Variants in KIF4A observed in about 807,000 individuals in gnomAD.
KIF4A encodes the protein chromosome-associated kinesin KIF4A.
In KIF4A, 7 loss-of-function variants were observed where a neutral mutation model predicts 105.9. The observed-to-expected ratio is 0.07, with a 90% CI of 0.04 to 0.12. KIF4A has a LOEUF of 0.12. KIF4A is among the 10% of genes least tolerant of loss of function. The probability of loss-of-function intolerance (pLI) is 1.00; values close to 1 mark genes in which losing one functional copy is unlikely to be tolerated. For synonymous variants in KIF4A, 281 were observed against 331.3 expected (o/e 0.85, Z 1.65); for missense variants, 558 against 929.2 (o/e 0.60, Z 5.19).
chrX:70,389,351 G>A (rs1406978478), intron 20 of KIF4A, among the ~76,000 whole-genome samples: 2 of 112,511 alleles, frequency 1.8e-5, no homozygotes, highest in Non-Finnish European at 3.8e-5. Context: ...TGGATTACCT[G>A]AGGTCAGGAG....
At chrX:70,331,499 A>G (rs1267896103) in intron 9 of KIF4A, among the ~76,000 whole-genome samples, 1 of 111,298 alleles carries the variant, frequency 9.0e-6, no homozygotes, top group Non-Finnish European at 1.9e-5. Context: ...ATGTCTTAAA[A>G]CAATGTACAT....
Position 70,309,482 on chromosome X carries a change from TC to T in KIF4A, c.778+7085del, listed in dbSNP as rs1405283804. 5.3e-5 allele frequency among the ~76,000 whole-genome samples: 6 copies of T among 112,348 alleles called. No individual in the cohort carries two copies. The East Asian group carries it at 1.7e-3, about 31-fold the overall frequency. On this transcript the variant is annotated intron_variant, in intron 7 of 30. Transcript: ENST00000374403. ...CATTTTTTAACTTTATTGATCTTTT[TC>T]ATTTGTGCCTTGTGTGTGTTTTTCT...
chrX:70,402,748 G>A, intron 23 of KIF4A, 53 bp downstream of exon 23: 1 of 1,159,874 alleles, frequency 8.6e-7, no homozygotes, highest in Non-Finnish European at 1.2e-6. Flanking sequence ...GGTTGAAATG[G>A]GATGTTAGCC....
chrX:70,395,742 T>C lies in KIF4A; in HGVS notation c.2304T>C (p.Leu768=). The part of the protein sequence containing the change: ...EEAKRHLNDL[L]EDRKILAQDV... ...CCAAACGCCATCTGAATGACCTCCT[T>C]GAAGATAGAAAGATCCTGGCTCAAG... Residue 768 remains leucine, a synonymous_variant, in exon 21 of 31, where the codon CTT becomes CTC. Transcript: ENST00000374403. The C allele has an allele frequency of 8.3e-7, 1 of 1,211,123 alleles. No homozygotes were observed. Among genetic ancestry groups the C allele is most frequent in the Non-Finnish European group, 1.1e-6 (1 of 895,388 alleles).
chrX:70,407,539 G>A (rs1355614318), intron 28 of KIF4A, among the ~76,000 whole-genome samples: 2 of 111,583 alleles, frequency 1.8e-5, no homozygotes, highest in African/African-American at 6.5e-5. Context: ...TCCACTAAAG[G>A]GGGGCTTGTT....
intron 7 of KIF4A, among the ~76,000 whole-genome samples, chrX:70,322,447 G>A (rs1167926333): frequency 9.2e-6 from 1 of 109,165 alleles, no homozygotes; most frequent in Admixed American, 9.8e-5. Flanking sequence ...GAGTACCTGG[G>A]ACTACAGGCG....
At chrX:70,319,813 G>A (rs1252828399) in intron 7 of KIF4A, among the ~76,000 whole-genome samples, 1 of 111,724 alleles carries the variant, frequency 9.0e-6, no homozygotes, top group Non-Finnish European at 1.9e-5. Context: ...TTTGTTTTTT[G>A]TGTGTGGAAA....
At chrX:70,342,000 A>G in intron 11 of KIF4A, 69 bp downstream of exon 11, 1 of 1,103,529 alleles carries the variant, frequency 9.1e-7, no homozygotes, top group African/African-American at 1.8e-5. Context: ...AATATTTAAC[A>G]TGTATCTCAT....
chrX:70,294,658 G>GT (rs752907013), intron 3 of KIF4A, among the ~76,000 whole-genome samples: 1 of 112,871 alleles, frequency 8.9e-6, no homozygotes, highest in African/African-American at 3.2e-5. Flanking sequence ...GCACACGACT[G>GT]TAACAATTGA....
At chrX:70,296,169 C>A (rs982690768) in intron 3 of KIF4A, among the ~76,000 whole-genome samples, 1 of 101,693 alleles carries the variant, frequency 9.8e-6, no homozygotes, top group Non-Finnish European at 2.0e-5. Context: ...ACTGTAACCT[C>A]TGCCTCCCAG....
At chrX:70,392,517 C>T (rs1423024319) in intron 20 of KIF4A, among the ~76,000 whole-genome samples, 1 of 110,651 alleles carries the variant, frequency 9.0e-6, no homozygotes, top group Admixed American at 9.7e-5. Flanking sequence ...AAATCTCAGC[C>T]AGGTGCGATT....
At chrX:70,310,455 A>G (rs2085845413) in intron 7 of KIF4A, among the ~76,000 whole-genome samples, 1 of 110,976 alleles carries the variant, frequency 9.0e-6, no homozygotes, top group African/African-American at 3.3e-5. Context: ...TTCTATGATT[A>G]TACCACTATT....
intron 15 of KIF4A, among the ~76,000 whole-genome samples, chrX:70,369,962 A>G (rs2086123561): frequency 9.0e-6 from 1 of 111,616 alleles, no homozygotes; most frequent in Admixed American, 9.6e-5. Flanking sequence ...AGATTGTAAT[A>G]CTGTATTTTT....
chrX:70,398,934 C>A (rs1179094113), intron 22 of KIF4A, among the ~76,000 whole-genome samples: 4 of 111,719 alleles, frequency 3.6e-5, no homozygotes, highest in African/African-American at 1.3e-4. Flanking sequence ...AGTGCTGACA[C>A]CCTAGGCTGA....
chrX:70,338,408 G>T (rs765297624), intron 10 of KIF4A, among the ~76,000 whole-genome samples: 15 of 112,152 alleles, frequency 1.3e-4, no homozygotes, highest in South Asian at 3.7e-4. Flanking sequence ...AATCATAGAG[G>T]ATGTAGTCTT....
chrX:70,295,006 G>A (rs1344392022), intron 3 of KIF4A, among the ~76,000 whole-genome samples: 1 of 112,325 alleles, frequency 8.9e-6, no homozygotes, highest in Non-Finnish European at 1.9e-5. Flanking sequence ...CCTGGGAGGC[G>A]AAGCCGTGAT....
chrX:70,410,657 G>A (rs1193978168), intron 28 of KIF4A, among the ~76,000 whole-genome samples: 1 of 111,968 alleles, frequency 8.9e-6, no homozygotes, highest in Admixed American at 9.5e-5. Flanking sequence ...ATTAGTTAGA[G>A]TCTCATAAGG....
chrX:70,304,413 T>G (rs1214584757), intron 7 of KIF4A, among the ~76,000 whole-genome samples: 1 of 102,878 alleles, frequency 9.7e-6, no homozygotes, highest in African/African-American at 3.5e-5. Flanking sequence ...TGTGCATGTG[T>G]CTTTATAGCA....
At chrX:70,333,384 A>T (rs2085938830) in intron 9 of KIF4A, among the ~76,000 whole-genome samples, 2 of 110,955 alleles carry the variant, frequency 1.8e-5, no homozygotes, top group Non-Finnish European at 3.8e-5. Flanking sequence ...ACTCATTAAG[A>T]TGTAGATAAA....
Sources: gnomAD v4.1 joint callset for allele counts (sites outside exome capture counted in the v4.1 genomes callset) on GRCh38, gnomAD v4.1.1 for gene constraint, MANE v1.5 for transcripts, NCBI Gene and HGNC (gene_info 2026-07-23, HGNC 2026-07-21) for gene names.